GTF2H5: variants seen among roughly 807,000 people sequenced by gnomAD.
GTF2H5 encodes the protein TFB5 ortholog.
A neutral mutation model predicts 7.1 loss-of-function variants in GTF2H5; 5 were observed. The observed-to-expected ratio is 0.71, with a 90% CI of 0.37 to 1.49. The LOEUF (loss-of-function observed/expected upper bound fraction) is 1.49, where lower values mean the gene tolerates loss of function less well. GTF2H5 is among the 40% of genes most tolerant of loss of function. The pLI, the probability that GTF2H5 is intolerant of heterozygous loss-of-function variation, is 0.03. For synonymous variants in GTF2H5, 30 were observed against 31.7 expected (o/e 0.95, Z 0.18); for missense variants, 80 against 83.0 (o/e 0.96, Z 0.14).
chr6:158,186,030 C>T (rs1400315946), intron 2 of GTF2H5, among the ~76,000 whole-genome samples: 1 of 151,976 alleles, frequency 6.6e-6, no homozygotes, highest in African/African-American at 2.4e-5. Context: ...TTTTATATGA[C>T]CAGTTTAATT....
At chr6:158,183,499 A>G (rs1332877671) in intron 2 of GTF2H5, among the ~76,000 whole-genome samples, 1 of 152,218 alleles carries the variant, frequency 6.6e-6, no homozygotes, top group Non-Finnish European at 1.5e-5. Flanking sequence ...GGTGGAATCT[A>G]GAGAGGCAGT....
chr6:158,177,652 A>G (rs1045383535), intron 2 of GTF2H5, among the ~76,000 whole-genome samples: 3 of 152,152 alleles, frequency 2.0e-5, no homozygotes, highest in Non-Finnish European at 2.9e-5. Flanking sequence ...TACATGTGCC[A>G]TGGTAGTTTG....
chr6:158,195,765 C>CT lies in GTF2H5; in HGVS notation c.*3609dup, dbSNP rs1381315598. On this transcript the variant is annotated 3_prime_UTR_variant, in exon 3 of 3. Coordinates refer to ENST00000607778, the MANE Select transcript of GTF2H5 (RefSeq NM_207118.3). ...CTCTGACAAAAAGCCTCTGCTGTAACTAAAATACTGAGATCATTCTATCTT... is the reference window on the plus strand; with the variant it reads ...CTCTGACAAAAAGCCTCTGCTGTAACTTAAAATACTGAGATCATTCTATCTT... 3.9e-5 allele frequency: 6 copies of CT among 152,120 alleles called. No homozygotes were observed. Among genetic ancestry groups the CT allele is most frequent in the African/African-American group, 1.2e-4 (5 of 41,420 alleles). 9.4% of individuals were successfully genotyped at this position (152,120 alleles called of 1,614,324 possible).
At chr6:158,191,787 A>G (rs532584916) in intron 2 of GTF2H5, among the ~76,000 whole-genome samples, 190 bp from the exon 3 acceptor site, 1 of 152,306 alleles carries the variant, frequency 6.6e-6, no homozygotes, top group Non-Finnish European at 1.5e-5. Context: ...CGGCCAACTT[A>G]CACTAATAGT....
At chr6:158,184,664 G>A (rs112465020) in intron 2 of GTF2H5, among the ~76,000 whole-genome samples, 6,588 of 152,236 alleles carry the variant, frequency 0.043, 191 homozygotes, top group Middle Eastern at 0.16. Flanking sequence ...ACCTAAGACA[G>A]TCTACTCCCA....
chr6:158,169,638 C>A (rs565252973), intron 1 of GTF2H5, among the ~76,000 whole-genome samples: 8,076 of 44,320 alleles, frequency 0.18, 1,884 homozygotes, highest in African/African-American at 0.42. Flanking sequence ...TTGTATATTA[C>A]ATATATTGTA....
chr6:158,184,428 G>A (rs1776869948), intron 2 of GTF2H5, among the ~76,000 whole-genome samples: 1 of 152,250 alleles, frequency 6.6e-6, no homozygotes, highest in East Asian at 1.9e-4. Flanking sequence ...TTGTGTCTTT[G>A]TAACAGTAAA....
At chr6:158,177,457 A>C (rs1467678430) in intron 2 of GTF2H5, among the ~76,000 whole-genome samples, 2 of 152,194 alleles carry the variant, frequency 1.3e-5, no homozygotes, top group Non-Finnish European at 2.9e-5. Context: ...GACCCCCAAA[A>C]AAGCTGATGG....
At chr6:158,174,668 T>C (rs948137989) in intron 2 of GTF2H5, among the ~76,000 whole-genome samples, 1 of 152,216 alleles carries the variant, frequency 6.6e-6, no homozygotes, top group African/African-American at 2.4e-5. Context: ...AGTATGTCTG[T>C]GTCCAGTTCC....
At chr6:158,170,848 CTT>C (rs1785845703) in intron 2 of GTF2H5, among the ~76,000 whole-genome samples, 1 of 152,174 alleles carries the variant, frequency 6.6e-6, no homozygotes, top group East Asian at 1.9e-4. Flanking sequence ...TTGCTTAAGT[CTT>C]TACCATTACA....
intron 2 of GTF2H5, among the ~76,000 whole-genome samples, chr6:158,187,893 G>A (rs1054251012): frequency 5.9e-5 from 9 of 152,100 alleles, no homozygotes; most frequent in African/African-American, 1.9e-4. Context: ...GTTAATACTG[G>A]TCAGCTATGC....
chr6:158,189,617 C>T (rs993915858), intron 2 of GTF2H5, among the ~76,000 whole-genome samples: 1 of 152,174 alleles, frequency 6.6e-6, no homozygotes, highest in East Asian at 1.9e-4. Flanking sequence ...CCCTCTCATA[C>T]CTCACTCCAT....
rs1777094506 is a variant in GTF2H5 at position 158,195,509 on chromosome 6, G to T, written c.*3352G>T. The T allele has an allele frequency of 6.6e-6, 1 of 152,134 alleles. No individual in the cohort carries two copies. Among genetic ancestry groups the T allele is most frequent in the Non-Finnish European group, 1.5e-5 (1 of 68,020 alleles). 9.4% of individuals were successfully genotyped at this position (152,134 alleles called of 1,614,324 possible). On this transcript the variant is annotated 3_prime_UTR_variant, in exon 3 of 3. Coordinates refer to ENST00000607778, the MANE Select transcript of GTF2H5 (RefSeq NM_207118.3). Reference sequence around the variant, plus strand: ...AATGTATTTTGAGAAATCAGTTTTGGTGAACAGTAACAGCATTACTGATAA... The same window carrying T: ...AATGTATTTTGAGAAATCAGTTTTGTTGAACAGTAACAGCATTACTGATAA...
chr6:158,173,468 G>A (rs956125221), intron 2 of GTF2H5, among the ~76,000 whole-genome samples: 7 of 152,182 alleles, frequency 4.6e-5, no homozygotes, highest in African/African-American at 7.2e-5. Context: ...TTTCCCTCAT[G>A]TCCATATTTG....
At position 158,197,188 on chromosome 6, in the gene GTF2H5, T is replaced by G. The variant is rs1777126016; in HGVS notation, c.*5031T>G. On this transcript the variant is annotated 3_prime_UTR_variant, in exon 3 of 3. Coordinates refer to ENST00000607778, the MANE Select transcript of GTF2H5 (RefSeq NM_207118.3). The stretch of plus-strand genomic sequence containing the variant: ...AGGACTGAGATCATTTTGGGAGAGA[T>G]CATCTTCAGAAAATGACCAGATACA... 6.3e-6 allele frequency: 1 copy of G among 157,840 alleles called. No individual in the cohort carries two copies. Among genetic ancestry groups the G allele is most frequent in the African/African-American group, 2.4e-5 (1 of 41,398 alleles). The allele number at this position is 157,840 out of a possible 1,614,324, so 9.8% of individuals were successfully genotyped here. A position where few individuals can be genotyped will look rare whatever the true frequency, so the allele number is the denominator to read the frequency against.
chr6:158,173,850 C>G (rs914759563), intron 2 of GTF2H5, among the ~76,000 whole-genome samples: 2 of 152,138 alleles, frequency 1.3e-5, no homozygotes, highest in Admixed American at 1.3e-4. Flanking sequence ...ATGGCCATTT[C>G]TTGAGTATAT....
intron 2 of GTF2H5, among the ~76,000 whole-genome samples, chr6:158,188,131 A>G (rs957569157): frequency 5.9e-5 from 9 of 152,200 alleles, no homozygotes; most frequent in African/African-American, 2.2e-4. Flanking sequence ...ATATTGAAGT[A>G]CTTGTGGGGC....
At chr6:158,171,062 G>C (rs1488559577) in intron 2 of GTF2H5, among the ~76,000 whole-genome samples, 6 of 152,120 alleles carry the variant, frequency 3.9e-5, no homozygotes, top group Non-Finnish European at 8.8e-5. Context: ...TACTTTCGGT[G>C]CCTCTAATAT....
At chr6:158,183,506 CAGT>C (rs1386556196) in intron 2 of GTF2H5, among the ~76,000 whole-genome samples, 1 of 152,196 alleles carries the variant, frequency 6.6e-6, no homozygotes, top group Non-Finnish European at 1.5e-5. Context: ...TCTAGAGAGG[CAGT>C]AGGCCTTGCT....
Sources: allele counts gnomAD v4.1 joint callset (sites outside exome capture counted in the v4.1 genomes callset), GRCh38; gene constraint gnomAD v4.1.1; transcripts MANE v1.5; gene names NCBI Gene and HGNC (gene_info 2026-07-23, HGNC 2026-07-21).